Variants in RPL28 observed in about 807,000 individuals in gnomAD.
The protein encoded by RPL28 is large ribosomal subunit protein eL28.
Under a neutral mutation model 12.5 loss-of-function variants are expected in RPL28, and 4 were observed. The ratio of observed to expected loss-of-function variants is 0.32; its 90% CI spans 0.16 to 0.73. The LOEUF is 0.73. Ranked by LOEUF, RPL28 falls within the 30% of genes least tolerant of loss-of-function variation. The pLI, the probability that RPL28 is intolerant of heterozygous loss-of-function variation, is 0.66. For missense variants in RPL28, 214 were observed against 197.7 expected, an observed-to-expected ratio of 1.08 and a Z score of -0.49; for synonymous variants, 91 against 72.5, an observed-to-expected ratio of 1.26 and a Z score of -1.30.
intron 4 of RPL28, among the ~76,000 whole-genome samples, chr19:55,397,108 GA>G (rs1490219591): frequency 6.6e-6 from 1 of 151,728 alleles, no homozygotes; most frequent in African/African-American, 2.4e-5. Context: ...TCGAACTTGT[GA>G]GCTCAAGCCA....
intron 4 of RPL28, among the ~76,000 whole-genome samples, chr19:55,398,318 T>C (rs1214690271): frequency 6.6e-6 from 1 of 152,212 alleles, no homozygotes; most frequent in East Asian, 1.9e-4. Context: ...GGAACCTCGA[T>C]GTAAATGAAA....
At chr19:55,386,297 C>T in intron 1 of RPL28, 53 bp from the exon 2 acceptor site, 2 of 1,562,114 alleles carry the variant, frequency 1.3e-6, no homozygotes, top group South Asian at 1.1e-5. Flanking sequence ...CGTGGCCTAA[C>T]GCTGCTTTAG....
intron 3 of RPL28, chr19:55,387,335 C>T: frequency 3.2e-6 from 5 of 1,551,656 alleles, no homozygotes; most frequent in South Asian, 1.2e-5. Flanking sequence ...GCCAAGGGTC[C>T]TTTTACTCAG....
chr19:55,389,415 A>G lies in RPL28; in HGVS notation c.*1083A>G, dbSNP rs950683908. 7.1e-6 allele frequency: 7 copies of G among 985,214 alleles called. No individual in the cohort carries two copies. The African/African-American group carries it at 1.0e-4, about 15-fold the overall frequency. The allele number at this position is 985,214 out of a possible 1,614,324, so 61.0% of individuals were successfully genotyped here. On this transcript the variant is annotated 3_prime_UTR_variant, in exon 5 of 5. Coordinates refer to ENST00000344063, the MANE Select transcript of RPL28 (RefSeq NM_000991.5). ...ATCCTCACATGTTTCCTGGGCACCT[A>G]ACTCTGTCAGCCACTGCCAGGGACC...
chr19:55,387,976 G>C lies in RPL28; in HGVS notation c.252G>C (p.Lys84Asn). 1 of 1,608,056 alleles carries C rather than the reference G, an allele frequency of 6.2e-7. No homozygotes were observed. Among genetic ancestry groups the C allele is most frequent in the Non-Finnish European group, 8.5e-7 (1 of 1,177,094 alleles). Residue 84 changes from lysine (K) to asparagine (N), a missense_variant, in exon 4 of 5, where the codon AAG (lysine) becomes AAC (asparagine). Coordinates refer to ENST00000344063, the MANE Select transcript of RPL28 (RefSeq NM_000991.5). The part of the protein sequence containing the change: ...ATSYVRTTIN[K>N]NARATLSSIR... ...CCTATGTGCGGACCACCATCAACAA[G>C]AATGCTCGCGCCACGCTCAGCAGCA...
chr19:55,389,159 C>G lies in RPL28; in HGVS notation c.*827C>G, dbSNP rs532390018. On this transcript the variant is annotated 3_prime_UTR_variant, in exon 5 of 5. Transcript: ENST00000344063. ...GCTTGTGAGGCCAGGAGTTTGAGAC[C>G]ATCCTAGGCAACATAATGAGACACC... 148 of 981,646 alleles carry G rather than the reference C, an allele frequency of 1.5e-4. No individual in the cohort carries two copies. The highest frequency in any genetic ancestry group is 1.7e-4 in the Non-Finnish European group (144 of 826,666). The allele number at this position is 981,646 out of a possible 1,614,324, so 60.8% of individuals were successfully genotyped here.
rs2089989369 is a variant in RPL28 at position 55,391,503 on chromosome 19, A to G, written c.*3171A>G. ...AGTTGTGCAGAGCGCTGGGGACTCCAGACTCCCCACAGCAGCAGAGACTCG... is the reference window on the plus strand; with the variant it reads ...AGTTGTGCAGAGCGCTGGGGACTCCGGACTCCCCACAGCAGCAGAGACTCG... On this transcript the variant is annotated 3_prime_UTR_variant, in exon 5 of 5. Coordinates refer to ENST00000344063, the MANE Select transcript of RPL28 (RefSeq NM_000991.5). 4.1e-6 allele frequency: 6 copies of G among 1,447,930 alleles called. No individual in the cohort carries two copies. Among genetic ancestry groups the G allele is most frequent in the Admixed American group, 2.4e-5 (1 of 42,110 alleles). The allele number at this position is 1,447,930 out of a possible 1,614,324, so 89.7% of individuals were successfully genotyped here. A position where few individuals can be genotyped will look rare whatever the true frequency, so the allele number is the denominator to read the frequency against.
At chr19:55,392,316 C>CT (rs1331016186), downstream of RPL28, among the ~76,000 whole-genome samples, 11 of 152,136 alleles carry the variant, frequency 7.2e-5, no homozygotes, top group African/African-American at 2.7e-4. Context: ...ACTGCAGCCT[C>CT]TAACTCCTGG....
chr19:55,401,569 G>C (rs780766273), intron 4 of RPL28: 1 of 1,610,182 alleles, frequency 6.2e-7, no homozygotes, highest in Non-Finnish European at 8.5e-7. Flanking sequence ...AGGGTCGGTG[G>C]AGGAAGCTTC....
chr19:55,402,059 C>T (rs963268702), intron 4 of RPL28, among the ~76,000 whole-genome samples: 1 of 152,192 alleles, frequency 6.6e-6, no homozygotes, highest in Non-Finnish European at 1.5e-5. Flanking sequence ...AACGCCAAGG[C>T]CCCCTCTCAG....
At chr19:55,395,341 G>A (rs1296069044), downstream of RPL28, among the ~76,000 whole-genome samples, 1 of 151,724 alleles carries the variant, frequency 6.6e-6, no homozygotes, top group Non-Finnish European at 1.5e-5. Context: ...TCACCATGTT[G>A]GCCAGGCTGG....
At chr19:55,386,751 G>A (rs1224126417) in intron 3 of RPL28, 58 bp downstream of exon 3, 2 of 1,610,626 alleles carry the variant, frequency 1.2e-6, no homozygotes, top group African/African-American at 1.4e-5. Flanking sequence ...TGGGAGCTGT[G>A]ATTTTTTACT....
At chr19:55,395,254 A>G (rs568298820), downstream of RPL28, among the ~76,000 whole-genome samples, 3 of 152,132 alleles carry the variant, frequency 2.0e-5, no homozygotes, top group Admixed American at 2.0e-4. Context: ...CTTCTGCCTC[A>G]GCCTCCCAAG....
At chr19:55,394,398 C>T (rs942397191), downstream of RPL28, among the ~76,000 whole-genome samples, 13 of 151,608 alleles carry the variant, frequency 8.6e-5, no homozygotes, top group Non-Finnish European at 1.6e-4. Context: ...TAGCTGGCAC[C>T]ACCGGTGTGC....
intron 4 of RPL28, among the ~76,000 whole-genome samples, chr19:55,397,437 T>C (rs1406901994): frequency 6.6e-6 from 1 of 152,118 alleles, no homozygotes; most frequent in Non-Finnish European, 1.5e-5. Flanking sequence ...TGGAGTGCAG[T>C]GGCGCGATCT....
intron 4 of RPL28, chr19:55,401,161 A>G: frequency 3.9e-6 from 2 of 514,910 alleles, no homozygotes; most frequent in African/African-American, 2.0e-5. Context: ...GGTGAGCTAG[A>G]TGGACCCACT....
Position 55,389,588 on chromosome 19 carries a change from C to T in RPL28, c.*1256C>T, listed in dbSNP as rs796932288. 4.0e-5 allele frequency: 39 copies of T among 985,478 alleles called. 1 individual carries two copies. In the African/African-American group the frequency reaches 4.7e-4, roughly 12 times the overall value. 61.0% of individuals were successfully genotyped at this position (985,478 alleles called of 1,614,324 possible). On this transcript the variant is annotated 3_prime_UTR_variant, in exon 5 of 5. Coordinates refer to ENST00000344063, the MANE Select transcript of RPL28 (RefSeq NM_000991.5). ...GCCTCGACTTGCCATTGGTTGGGGT[C>T]GTACGGGGCTGGGAGCCCTGCGTTT...
downstream of RPL28, among the ~76,000 whole-genome samples, chr19:55,397,060 T>C (rs2123299516): frequency 6.6e-6 from 1 of 152,082 alleles, no homozygotes; most frequent in South Asian, 2.1e-4. Context: ...TTGTGTTTTT[T>C]GTACAGACAG....
intron 2 of RPL28, 61 bp from the exon 3 acceptor site, chr19:55,386,509 C>T (rs776307129): frequency 4.6e-5 from 74 of 1,598,350 alleles, no homozygotes; most frequent in Non-Finnish European, 5.9e-5. Context: ...GGTCAGAGGG[C>T]GGGACCTTCG....
Sources: allele counts gnomAD v4.1 joint callset (sites outside exome capture counted in the v4.1 genomes callset), GRCh38; gene constraint gnomAD v4.1.1; transcripts MANE v1.5; gene names NCBI Gene and HGNC (gene_info 2026-07-23, HGNC 2026-07-21).